Variants in ERP44 observed in about 807,000 individuals in gnomAD.
ERP44 encodes the protein endoplasmic reticulum protein 44.
Under a neutral mutation model 53.4 loss-of-function variants are expected in ERP44, and 25 were observed. The observed-to-expected ratio is 0.47, with a 90% CI of 0.34 to 0.65. The LOEUF (loss-of-function observed/expected upper bound fraction) is 0.65, where lower values mean the gene tolerates loss of function less well. ERP44 is among the 30% of genes least tolerant of loss of function. ERP44 has a pLI of 0.01. For synonymous variants in ERP44, 145 were observed against 161.2 expected (o/e 0.90, Z 0.76); for missense variants, 338 against 493.2 (o/e 0.69, Z 2.98).
rs1203169659 is a variant in ERP44, at chr9:99,993,068, C to T, written c.1017-7999G>A. ...GCTCGTGGATAGGAAGAATCAATAT[C>T]ATAAAAATGGCCATACTGCCCAAGG... On this transcript the variant is annotated intron_variant, in intron 10 of 11. Transcript: ENST00000262455. 2.0e-5 allele frequency among the ~76,000 whole-genome samples: 3 copies of T among 152,144 alleles called. No individual in the cohort carries two copies. The East Asian group carries it at 5.8e-4, about 29-fold the overall frequency.
chr9:99,990,187 C>T (rs984707692), intron 10 of ERP44, among the ~76,000 whole-genome samples: 9 of 152,092 alleles, frequency 5.9e-5, no homozygotes, highest in Non-Finnish European at 4.4e-5. Context: ...AGATACTCCT[C>T]GACAAGAGCA....
At chr9:100,037,045 C>T (rs1825853831) in intron 4 of ERP44, among the ~76,000 whole-genome samples, 1 of 152,204 alleles carries the variant, frequency 6.6e-6, no homozygotes, top group African/African-American at 2.4e-5. Context: ...AACACTCACA[C>T]TACCTAGTTT....
chr9:100,007,534 AAGAGAGAAAG>A, intron 9 of ERP44, 34 bp downstream of exon 9: 1 of 978,262 alleles, frequency 1.0e-6, no homozygotes, highest in Non-Finnish European at 1.6e-6. Flanking sequence ...AAAAAAAGAA[AAGAGAGAAAG>A]AAATGATGAA....
intron 1 of ERP44, among the ~76,000 whole-genome samples, chr9:100,069,927 A>G (rs192418830): frequency 1.3e-5 from 2 of 152,324 alleles, no homozygotes; most frequent in East Asian, 3.9e-4. Flanking sequence ...GAGATTAACT[A>G]ATTTACCTGG....
At chr9:99,988,761 G>T (rs1052316553) in intron 10 of ERP44, among the ~76,000 whole-genome samples, 1 of 152,178 alleles carries the variant, frequency 6.6e-6, no homozygotes, top group African/African-American at 2.4e-5. Context: ...GGGATTGGGG[G>T]ATTTACCTTT....
At position 99,980,037 on chromosome 9, in the gene ERP44, G is replaced by A. The variant is rs895141106; in HGVS notation, c.*2575C>T. On this transcript the variant is annotated 3_prime_UTR_variant, in exon 12 of 12. Transcript: ENST00000262455. The stretch of plus-strand genomic sequence containing the variant: ...ACTTTTTTCTCTAATGCATTAGGCT[G>A]TTTCATACCTTTGCTCAGATTATTC... The A allele has an allele frequency of 2.8e-5, 11 of 398,352 alleles. No homozygotes were observed. In the Admixed American group the frequency reaches 4.8e-4, roughly 18 times the overall value. The allele number at this position is 398,352 out of a possible 1,614,324, so 24.7% of individuals were successfully genotyped here.
intron 10 of ERP44, among the ~76,000 whole-genome samples, chr9:99,991,941 C>T (rs1362059107): frequency 6.6e-6 from 1 of 152,138 alleles, no homozygotes; most frequent in Admixed American, 6.5e-5. Flanking sequence ...TTCCTGGATG[C>T]ATACACCCTC....
At chr9:100,002,418 C>A (rs1454792528) in intron 10 of ERP44, among the ~76,000 whole-genome samples, 1 of 152,110 alleles carries the variant, frequency 6.6e-6, no homozygotes, top group African/African-American at 2.4e-5. Flanking sequence ...TGAAGAACTC[C>A]CTTTTAGCAT....
chr9:100,010,068 A>T (rs961655610), intron 8 of ERP44, among the ~76,000 whole-genome samples: 1 of 152,202 alleles, frequency 6.6e-6, no homozygotes, highest in Non-Finnish European at 1.5e-5. Flanking sequence ...GTACATATGA[A>T]ATATTAAACT....
intron 4 of ERP44, among the ~76,000 whole-genome samples, chr9:100,040,506 G>C (rs1211816216): frequency 6.6e-6 from 1 of 152,064 alleles, no homozygotes; most frequent in Non-Finnish European, 1.5e-5. Context: ...TGCAGAGAAG[G>C]AACATATCTC....
chr9:99,999,006 G>C, intron 10 of ERP44: 2 of 1,123,328 alleles, frequency 1.8e-6, no homozygotes, highest in East Asian at 2.4e-5. Context: ...GGAAGTAGTC[G>C]TGCGTGGGCA....
At chr9:100,071,559 A>G (rs1280650220) in intron 1 of ERP44, among the ~76,000 whole-genome samples, 1 of 152,160 alleles carries the variant, frequency 6.6e-6, no homozygotes, top group African/African-American at 2.4e-5. Context: ...TGTTTTTATT[A>G]CCAAATCCCC....
chr9:100,030,715 G>A (rs1036125267), intron 4 of ERP44, among the ~76,000 whole-genome samples: 1 of 152,196 alleles, frequency 6.6e-6, no homozygotes, highest in Non-Finnish European at 1.5e-5. Flanking sequence ...CACTGGACAT[G>A]GAGAGCCTTT....
intron 1 of ERP44, among the ~76,000 whole-genome samples, chr9:100,072,099 G>A (rs1241056769): frequency 6.6e-6 from 1 of 152,122 alleles, no homozygotes; most frequent in African/African-American, 2.4e-5. Context: ...CATACTGTTT[G>A]AATTAGCTTT....
Position 99,999,158 on chromosome 9 carries a change from C to T in ERP44, c.1016+7348G>A, listed in dbSNP as rs1294020866. On this transcript the variant is annotated intron_variant, in intron 10 of 11. Transcript: ENST00000262455. ...GTACCGCGCTGGGAGGCCAGGGCTC[C>T]GCCCCCCGACCCTGTCCCCCGCCCC... The T allele has an allele frequency of 1.8e-5, 10 of 550,878 alleles. No homozygotes were observed. The Middle Eastern group carries it at 1.5e-3, about 81-fold the overall frequency. 34.1% of individuals were successfully genotyped at this position (550,878 alleles called of 1,614,324 possible). A position where few individuals can be genotyped will look rare whatever the true frequency, so the allele number is the denominator to read the frequency against.
At chr9:99,988,163 A>C (rs561617387) in intron 10 of ERP44, among the ~76,000 whole-genome samples, 1 of 152,342 alleles carries the variant, frequency 6.6e-6, no homozygotes, top group South Asian at 2.1e-4. Flanking sequence ...CATTCTAAAA[A>C]ATATATACTA....
At chr9:100,062,083 C>A (rs988292582) in intron 1 of ERP44, among the ~76,000 whole-genome samples, 1 of 152,074 alleles carries the variant, frequency 6.6e-6, no homozygotes, top group Non-Finnish European at 1.5e-5. Context: ...CCAATCTCTG[C>A]GGACACAGAG....
intron 4 of ERP44, among the ~76,000 whole-genome samples, chr9:100,037,445 C>G (rs1189401274): frequency 6.6e-6 from 1 of 152,122 alleles, no homozygotes; most frequent in Non-Finnish European, 1.5e-5. Flanking sequence ...AGTCTTAGGG[C>G]TGAACTGGAC....
At chr9:100,026,626 G>A (rs7033091) in intron 4 of ERP44, among the ~76,000 whole-genome samples, 102,710 of 152,016 alleles carry the variant, frequency 0.68, 35,855 homozygotes, top group East Asian at 0.91. Context: ...CAAAAAATCA[G>A]TAATAATAAA....
Sources: gnomAD v4.1 joint callset for allele counts (sites outside exome capture counted in the v4.1 genomes callset) on GRCh38, gnomAD v4.1.1 for gene constraint, MANE v1.5 for transcripts, NCBI Gene and HGNC (gene_info 2026-07-23, HGNC 2026-07-21) for gene names.